Variants in FBXL20 observed in about 807,000 individuals in gnomAD.
FBXL20 encodes the protein F-box/LRR-repeat protein 20.
In FBXL20, 11 loss-of-function variants were observed where a neutral mutation model predicts 64.0. The observed-to-expected ratio is 0.17, with a 90% CI of 0.11 to 0.28. The LOEUF is 0.28. FBXL20 is among the 10% of genes least tolerant of loss of function. The pLI, the probability that FBXL20 is intolerant of heterozygous loss-of-function variation, is 1.00. For missense variants in FBXL20, 303 were observed against 526.2 expected (o/e 0.58, Z 4.15); for synonymous variants, 184 against 189.0 (o/e 0.97, Z 0.22).
intron 2 of FBXL20, among the ~76,000 whole-genome samples, chr17:39,321,594 A>T (rs1444549788): frequency 3.3e-5 from 5 of 152,054 alleles, no homozygotes. Context: ...CCTGGCCAAC[A>T]TGGTAAAACC....
chr17:39,365,088 C>A (rs2047846101), intron 1 of FBXL20, among the ~76,000 whole-genome samples: 1 of 152,004 alleles, frequency 6.6e-6, no homozygotes, highest in Non-Finnish European at 1.5e-5. Flanking sequence ...TAGCCCAATA[C>A]AGGTCAAATC....
At chr17:39,309,832 GAAAAAA>G (rs1016327164) in intron 2 of FBXL20, among the ~76,000 whole-genome samples, 3 of 149,422 alleles carry the variant, frequency 2.0e-5, no homozygotes, top group African/African-American at 7.4e-5. Flanking sequence ...AAAAGAGAAA[GAAAAAA>G]AAGAAGAAGA....
chr17:39,299,591 C>A (rs1455646590), intron 4 of FBXL20, among the ~76,000 whole-genome samples: 1 of 151,078 alleles, frequency 6.6e-6, no homozygotes, highest in African/African-American at 2.4e-5. Flanking sequence ...ACCATCCTGG[C>A]TAACACGGTG....
chr17:39,381,479 CAAAA>C (rs35767863), intron 1 of FBXL20, among the ~76,000 whole-genome samples: 4 of 67,848 alleles, frequency 5.9e-5, no homozygotes, highest in African/African-American at 9.8e-5. Flanking sequence ...GACTCTGTCT[CAAAA>C]AAAAAAAAAA....
intron 1 of FBXL20, among the ~76,000 whole-genome samples, chr17:39,356,498 G>A (rs1328509880): frequency 6.6e-6 from 1 of 152,050 alleles, no homozygotes; most frequent in Non-Finnish European, 1.5e-5. Flanking sequence ...TGGGACTACA[G>A]GTACATATCA....
chr17:39,279,951 C>T, intron 9 of FBXL20, among the ~76,000 whole-genome samples: 1 of 152,136 alleles, frequency 6.6e-6, no homozygotes, highest in Non-Finnish European at 1.5e-5. Context: ...GAGGCCGAGG[C>T]AGGCAGATCA....
intron 2 of FBXL20, among the ~76,000 whole-genome samples, chr17:39,307,088 T>C (rs1218113891): frequency 6.6e-6 from 1 of 152,138 alleles, no homozygotes; most frequent in African/African-American, 2.4e-5. Flanking sequence ...TCTGAAGCTG[T>C]GGTTATAATT....
In FBXL20 at chr17:39,258,697, C is replaced by G. The variant is rs1267747688; in HGVS notation, c.*2763G>C. ...TAGCCTCAACTTAGGCAACTCAAAT[C>G]CACACTCACTAATCAATCTGGGTTT... On this transcript the variant is annotated 3_prime_UTR_variant, in exon 15 of 15. Coordinates refer to ENST00000264658, the MANE Select transcript of FBXL20 (RefSeq NM_032875.3). 5 of 152,214 alleles carry G rather than the reference C, an allele frequency of 3.3e-5. No homozygotes were observed. Among genetic ancestry groups the G allele is most frequent in the Admixed American group, 6.5e-5 (1 of 15,278 alleles). The allele number at this position is 152,214 out of a possible 1,614,324, so 9.4% of individuals were successfully genotyped here.
At chr17:39,368,950 C>T (rs1167149387) in intron 1 of FBXL20, among the ~76,000 whole-genome samples, 2 of 152,100 alleles carry the variant, frequency 1.3e-5, no homozygotes, top group Admixed American at 6.6e-5. Context: ...CCACCCCGCC[C>T]GAACCCATTT....
chr17:39,401,438 G>T lies in FBXL20; in HGVS notation c.-36C>A. On this transcript the variant is annotated 5_prime_UTR_variant, in exon 1 of 15. Coordinates refer to ENST00000264658, the MANE Select transcript of FBXL20 (RefSeq NM_032875.3). Reference sequence around the variant, plus strand: ...GGTGCGGCCCGGGCCGGGCGCTGCGGCGAGCGGAGTGCACAGACCGGGGGC... The same window carrying T: ...GGTGCGGCCCGGGCCGGGCGCTGCGTCGAGCGGAGTGCACAGACCGGGGGC... 3 of 1,569,776 alleles carry T rather than the reference G, an allele frequency of 1.9e-6. No individual in the cohort carries two copies. The highest frequency in any genetic ancestry group is 2.6e-6 in the Non-Finnish European group (3 of 1,159,216).
At position 39,311,223 on chromosome 17, in the gene FBXL20, G is replaced by A. The variant is rs190707599; in HGVS notation, c.105-7584C>T. 4.5e-3 allele frequency among the ~76,000 whole-genome samples: 682 copies of A among 152,178 alleles called. 3 individuals are homozygous for A. The highest frequency in any genetic ancestry group is 0.016 in the African/African-American group (654 of 41,526). On this transcript the variant is annotated intron_variant, in intron 2 of 14. Coordinates refer to ENST00000264658, the MANE Select transcript of FBXL20 (RefSeq NM_032875.3). ...ACAATATTAGTTTTGAGTGCATCAA[G>A]CAGCAAGCCTCTTTTGCTCAGTAAC...
Position 39,301,049 on chromosome 17 carries a change from G to A in FBXL20, c.186C>T (p.Gly62=), listed in dbSNP as rs2047129589. ...SRAWNVLALD[G]SNWQRIDLFD... is the part of the protein sequence containing the mutation. ...ATAGGTCAATTCGCTGCCAGTTACTGCCATCCAGAGCCAGAACATTCCAGG... is the reference window on the plus strand; with the variant it reads ...ATAGGTCAATTCGCTGCCAGTTACTACCATCCAGAGCCAGAACATTCCAGG... The change falls in exon 4 of 15, where the codon GGC becomes GGT. Residue 62 remains glycine (G), a synonymous_variant. Coordinates refer to ENST00000264658, the MANE Select transcript of FBXL20 (RefSeq NM_032875.3). The A allele has an allele frequency of 6.2e-7, 1 of 1,613,756 alleles. No homozygotes were observed. The highest frequency in any genetic ancestry group is 1.7e-5 in the Admixed American group (1 of 59,998).
chr17:39,280,429 G>C (rs1747083383), intron 9 of FBXL20, among the ~76,000 whole-genome samples: 1 of 151,120 alleles, frequency 6.6e-6, no homozygotes, highest in Non-Finnish European at 1.5e-5. Flanking sequence ...AAAAGTAGCT[G>C]GGTGTGGCGT....
intron 1 of FBXL20, among the ~76,000 whole-genome samples, chr17:39,396,371 G>GT (rs1567910179): frequency 2.0e-5 from 3 of 151,966 alleles, no homozygotes; most frequent in African/African-American, 7.3e-5. Context: ...TGAGATGGGT[G>GT]TATCACCTGA....
chr17:39,283,400 A>G (rs1194869458), intron 7 of FBXL20, among the ~76,000 whole-genome samples: 1 of 152,042 alleles, frequency 6.6e-6, no homozygotes, highest in Non-Finnish European at 1.5e-5. Context: ...TTGATACTCA[A>G]AAAGTTTGGG....
At chr17:39,314,237 C>T (rs934548168) in intron 2 of FBXL20, among the ~76,000 whole-genome samples, 1 of 152,164 alleles carries the variant, frequency 6.6e-6, no homozygotes, top group African/African-American at 2.4e-5. Flanking sequence ...AAGAATATAT[C>T]CATGTTGTTG....
At chr17:39,299,335 A>T (rs1236452077) in intron 4 of FBXL20, among the ~76,000 whole-genome samples, 1 of 152,130 alleles carries the variant, frequency 6.6e-6, no homozygotes, top group South Asian at 2.1e-4. Context: ...ATAATGTTCT[A>T]TAGTTCTCTT....
rs1053047674 is a variant in FBXL20 at position 39,364,811 on chromosome 17, G to A, written c.43-21570C>T. 2.6e-5 allele frequency among the ~76,000 whole-genome samples: 4 copies of A among 152,186 alleles called. No individual in the cohort carries two copies. In the East Asian group the frequency reaches 7.7e-4, roughly 29 times the overall value. ...AACACCAAAAGGTCTCAGAGTATAA[G>A]TGAGGCCATCTTAGACACGTAAGCC... On this transcript the variant is annotated intron_variant, in intron 1 of 14. Transcript: ENST00000264658.
intron 2 of FBXL20, among the ~76,000 whole-genome samples, chr17:39,312,113 C>T (rs1028453641): frequency 2.0e-5 from 3 of 152,036 alleles, no homozygotes; most frequent in African/African-American, 7.2e-5. Context: ...CACTATGTTC[C>T]TCTATTAAAG....
Sources: allele counts gnomAD v4.1 joint callset (sites outside exome capture counted in the v4.1 genomes callset), GRCh38; gene constraint gnomAD v4.1.1; transcripts MANE v1.5; gene names NCBI Gene and HGNC (gene_info 2026-07-23, HGNC 2026-07-21).